The following ASB15 variants were observed in gnomAD, a reference collection of about 807,000 sequenced individuals.
ASB15 encodes the protein ankyrin repeat and SOCS box containing 15.
A neutral mutation model predicts 58.0 loss-of-function variants in ASB15; 54 were observed. The ratio of observed to expected loss-of-function variants is 0.93; its 90% CI spans 0.75 to 1.17. The LOEUF (loss-of-function observed/expected upper bound fraction) is 1.17. Among genes scored for constraint, ASB15 ranks in the 50% most tolerant of loss-of-function variants. ASB15 has a pLI of 0.00. For synonymous variants in ASB15, 249 were observed against 262.4 expected (o/e 0.95, Z 0.50); for missense variants, 680 against 707.4 (o/e 0.96, Z 0.44).
chr7:123,596,181 T>C (rs942147694), intron 1 of ASB15, among the ~76,000 whole-genome samples: 1 of 151,810 alleles, frequency 6.6e-6, no homozygotes, highest in Non-Finnish European at 1.5e-5. Flanking sequence ...AAAAAAAAAT[T>C]GGGGGGAGGC....
chr7:123,611,192 T>A (rs1048766736), intron 3 of ASB15, among the ~76,000 whole-genome samples: 4 of 152,056 alleles, frequency 2.6e-5, no homozygotes, highest in Non-Finnish European at 1.5e-5. Context: ...TGGCCTTTCC[T>A]CATGCTTCTG....
At position 123,587,686 on chromosome 7, in the gene ASB15, CTTTA is replaced by C. The variant is rs529395131; in HGVS notation, c.-442-16343_-442-16340del. Among the ~76,000 whole-genome samples, 370 of 151,638 alleles carry C rather than the reference CTTTA, an allele frequency of 2.4e-3. 3 individuals are homozygous for C. Among genetic ancestry groups the C allele is most frequent in the Non-Finnish European group, 3.7e-3 (252 of 67,658 alleles). ...TCACTGTAAGCTTGCCAAATATGAC[CTTTA>C]TTGTGTTGAGGTACATTCTTTCTAT... is the stretch of plus-strand genomic sequence containing the variant. On this transcript the variant is annotated intron_variant, in intron 1 of 13. Transcript: ENST00000451558.
At chr7:123,620,527 T>A (rs1274393604) in intron 7 of ASB15, among the ~76,000 whole-genome samples, 1 of 18,320 alleles carries the variant, frequency 5.5e-5, no homozygotes, top group Non-Finnish European at 1.3e-4. Context: ...TATATATATA[T>A]ATATATATAT....
chr7:123,571,971 C>T (rs1402868420), intron 1 of ASB15, among the ~76,000 whole-genome samples: 2 of 151,740 alleles, frequency 1.3e-5, no homozygotes, highest in Non-Finnish European at 2.9e-5. Context: ...GGAGGTCTCA[C>T]TACATCTTTT....
chr7:123,616,293 A>G lies in ASB15; in HGVS notation c.160+20A>G, dbSNP rs749305379. The stretch of plus-strand genomic sequence containing the variant: ...AACAAGGTAAATGGGTGTACTATCT[A>G]CAGTGGGATGGACTGGAGATTCCAC... On this transcript the variant is annotated intron_variant, in intron 5 of 11. Transcript: ENST00000451215. 5.0e-6 allele frequency: 8 copies of G among 1,608,686 alleles called. No homozygotes were observed. The highest frequency in any genetic ancestry group is 4.5e-5 in the East Asian group (2 of 44,816).
Position 123,629,856 on chromosome 7 carries a change from G to A in ASB15, c.1441-110G>A, listed in dbSNP as rs559025659. 9.5e-5 allele frequency: 77 copies of A among 813,576 alleles called. No homozygotes were observed. The African/African-American group carries it at 1.0e-3, about 11-fold the overall frequency. 50.4% of individuals were successfully genotyped at this position (813,576 alleles called of 1,614,324 possible). The stretch of plus-strand genomic sequence containing the variant: ...TTAATTTTTGTTCATTACAAGGAGA[G>A]ATCTTTTATTTTCTGTAGTAAAACA... On this transcript the variant is annotated intron_variant, in intron 10 of 11. Coordinates refer to ENST00000451215, the MANE Select transcript of ASB15 (RefSeq NM_001290258.2).
At chr7:123,587,379 C>A (rs1014235480) in intron 1 of ASB15, among the ~76,000 whole-genome samples, 1 of 150,724 alleles carries the variant, frequency 6.6e-6, no homozygotes, top group Non-Finnish European at 1.5e-5. Context: ...CTACTAATTT[C>A]TGTAGGTTAA....
chr7:123,627,367 T>G lies in ASB15; in HGVS notation c.869+86T>G, dbSNP rs147346989. On this transcript the variant is annotated intron_variant, in intron 9 of 11. Transcript: ENST00000451215. ...TAATCACAAGTCTATATGTAATACC[T>G]TTCAAAATCCAAGGAGAAATAGGCA... 370 of 1,077,884 alleles carry G rather than the reference T, an allele frequency of 3.4e-4. 3 individuals carry two copies. In the East Asian group the frequency reaches 0.01, roughly 30 times the overall value. The allele number at this position is 1,077,884 out of a possible 1,614,324, so 66.8% of individuals were successfully genotyped here. A position where few individuals can be genotyped will look rare whatever the true frequency, so the allele number is the denominator to read the frequency against.
At chr7:123,575,220 G>A (rs1489150030) in intron 1 of ASB15, among the ~76,000 whole-genome samples, 1 of 151,584 alleles carries the variant, frequency 6.6e-6, no homozygotes, top group African/African-American at 2.4e-5. Flanking sequence ...ATTTTTTCTA[G>A]ACAACACCTA....
intron 1 of ASB15, chr7:123,596,580 C>T (rs1337207359): frequency 6.6e-6 from 1 of 151,816 alleles, no homozygotes; most frequent in Non-Finnish European, 1.5e-5. Flanking sequence ...CCAGTGCACT[C>T]CAGGCTAAGT....
intron 1 of ASB15, among the ~76,000 whole-genome samples, chr7:123,595,579 C>T (rs989805019): frequency 6.6e-5 from 10 of 152,182 alleles, no homozygotes; most frequent in African/African-American, 2.2e-4. Context: ...ACATTCACCT[C>T]ACCTACTTAA....
chr7:123,585,217 T>C (rs1799343146), intron 1 of ASB15, among the ~76,000 whole-genome samples: 1 of 151,722 alleles, frequency 6.6e-6, no homozygotes, highest in Non-Finnish European at 1.5e-5. Context: ...CCAATCCCCC[T>C]CTTAGAAATT....
intron 1 of ASB15, among the ~76,000 whole-genome samples, chr7:123,592,716 A>G (rs184996533): frequency 1.3e-5 from 2 of 152,222 alleles, no homozygotes; most frequent in East Asian, 1.9e-4. Flanking sequence ...TTTTTGGTCA[A>G]TTTCGGAATA....
At chr7:123,628,342 G>A (rs1801927350) in intron 9 of ASB15, among the ~76,000 whole-genome samples, 1 of 152,168 alleles carries the variant, frequency 6.6e-6, no homozygotes, top group African/African-American at 2.4e-5. Flanking sequence ...GTCCTGCTCT[G>A]CGTCTAACTG....
intron 2 of ASB15, among the ~76,000 whole-genome samples, chr7:123,607,757 G>A (rs1281964130): frequency 6.6e-6 from 1 of 152,140 alleles, no homozygotes; most frequent in Non-Finnish European, 1.5e-5. Flanking sequence ...AAAGTCCTCG[G>A]ATTACAGGCA....
At position 123,636,978 on chromosome 7, in the gene ASB15, ATAACT is replaced by A. The variant is rs749544347; in HGVS notation, c.*1_*5del. On this transcript the variant is annotated stop_retained_variant and 3_prime_UTR_variant, in exon 12 of 12. Coordinates refer to ENST00000451215, the MANE Select transcript of ASB15 (RefSeq NM_001290258.2). Reference sequence around the variant, plus strand: ...TCTATGGACAAGAGCTAAAATTGACATAACTTAATATTTTAAAATGTGATTTAAAA... The same window carrying A: ...TCTATGGACAAGAGCTAAAATTGACATAATATTTTAAAATGTGATTTAAAA... The A allele has an allele frequency of 5.3e-6, 8 of 1,496,704 alleles. No homozygotes were observed. The Admixed American group carries it at 6.1e-5, about 11-fold the overall frequency. The allele number at this position is 1,496,704 out of a possible 1,614,324, so 92.7% of individuals were successfully genotyped here. A position where few individuals can be genotyped will look rare whatever the true frequency, so the allele number is the denominator to read the frequency against.
rs576402212 is a variant in ASB15, at chr7:123,595,012, G to C, written c.-442-9020G>C. On this transcript the variant is annotated intron_variant, in intron 1 of 13. Transcript: ENST00000451558. ...ACCGCCTACTCAAGCCTCAGCAATG[G>C]CAGATGCCCCTCCACCCGCCAAGCT... is the stretch of plus-strand genomic sequence containing the variant. Among the ~76,000 whole-genome samples the C allele has an allele frequency of 3.3e-5, 5 of 152,276 alleles. No homozygotes were observed. The East Asian group carries it at 9.7e-4, about 29-fold the overall frequency.
chr7:123,568,975 C>T (rs1798832928), intron 1 of ASB15, among the ~76,000 whole-genome samples: 1 of 152,114 alleles, frequency 6.6e-6, no homozygotes, highest in Non-Finnish European at 1.5e-5. Flanking sequence ...CAGAAGACAA[C>T]AGCTAAAATA....
At chr7:123,580,469 T>C (rs1308498989) in intron 1 of ASB15, among the ~76,000 whole-genome samples, 1 of 152,012 alleles carries the variant, frequency 6.6e-6, no homozygotes, top group African/African-American at 2.4e-5. Flanking sequence ...TTATGTGGCC[T>C]TAGGCAATTT....
Sources: allele counts gnomAD v4.1 joint callset (sites outside exome capture counted in the v4.1 genomes callset), GRCh38; gene constraint gnomAD v4.1.1; transcripts MANE v1.5; gene names NCBI Gene and HGNC (gene_info 2026-07-23, HGNC 2026-07-21).